The following GPBP1L1 variants were observed in gnomAD, a reference collection of about 807,000 sequenced individuals.
The protein encoded by GPBP1L1 is vasculin-like protein 1.
A neutral mutation model predicts 52.5 loss-of-function variants in GPBP1L1; 23 were observed. The observed-to-expected ratio is 0.44, with a 90% CI of 0.32 to 0.62. The LOEUF is 0.62. Ranked by LOEUF, GPBP1L1 falls within the 20% of genes least tolerant of loss-of-function variation. The pLI is 0.06. For synonymous variants in GPBP1L1, 243 were observed against 203.1 expected, an observed-to-expected ratio of 1.20 and a Z score of -1.67; for missense variants, 596 against 579.3, an observed-to-expected ratio of 1.03 and a Z score of -0.30.
At chr1:45,685,907 C>T (rs1020529921) in intron 1 of GPBP1L1, among the ~76,000 whole-genome samples, 2 of 152,162 alleles carry the variant, frequency 1.3e-5, no homozygotes, top group Non-Finnish European at 2.9e-5. Context: ...TAAGCGAAAA[C>T]ACCTCGCTAC....
At chr1:45,629,454 T>TTGCC in intron 12 of GPBP1L1, 122 bp downstream of exon 12, 1 of 115,396 alleles carries the variant, frequency 8.7e-6, no homozygotes. Context: ...ACTAAGGTAA[T>TTGCC]CCCCCCCCCC....
At chr1:45,647,729 C>T (rs1223014656) in intron 6 of GPBP1L1, among the ~76,000 whole-genome samples, 1 of 152,126 alleles carries the variant, frequency 6.6e-6, no homozygotes, top group Non-Finnish European at 1.5e-5. Flanking sequence ...AGTGACACCT[C>T]TCATGAAAAG....
In GPBP1L1 at chr1:45,628,078, CAG is replaced by C. The variant is rs138602356; in HGVS notation, c.*176_*177del. The C allele has an allele frequency of 5.4e-4, 345 of 639,836 alleles. No homozygotes were observed. The East Asian group carries it at 8.2e-3, about 15-fold the overall frequency. The allele number at this position is 639,836 out of a possible 1,614,324, so 39.6% of individuals were successfully genotyped here. A position where few individuals can be genotyped will look rare whatever the true frequency, so the allele number is the denominator to read the frequency against. On this transcript the variant is annotated 3_prime_UTR_variant, in exon 13 of 13. Transcript: ENST00000355105. ...AAACTTCTCTCTATAAAGCAGATAA[CAG>C]GGAAGAACAATAACAAAAGCAAAAC...
chr1:45,666,139 T>A (rs1645008067), intron 2 of GPBP1L1, among the ~76,000 whole-genome samples: 1 of 151,444 alleles, frequency 6.6e-6, no homozygotes, highest in African/African-American at 2.4e-5. Context: ...AACACTTTTT[T>A]TTTTTAGACG....
chr1:45,668,016 G>C (rs1645030606), intron 2 of GPBP1L1, among the ~76,000 whole-genome samples: 1 of 152,148 alleles, frequency 6.6e-6, no homozygotes, highest in Admixed American at 6.5e-5. Context: ...TGGGATTACA[G>C]GTGTGAGCCA....
chr1:45,650,012 G>A (rs1466449699), intron 6 of GPBP1L1, among the ~76,000 whole-genome samples: 1 of 151,854 alleles, frequency 6.6e-6, no homozygotes, highest in Non-Finnish European at 1.5e-5. Context: ...TTGCCTTATT[G>A]TACTTGTTAG....
intron 10 of GPBP1L1, 123 bp from the exon 11 acceptor site, chr1:45,630,729 G>A: frequency 9.1e-7 from 1 of 1,095,482 alleles, no homozygotes; most frequent in South Asian, 1.6e-5. Flanking sequence ...TCAGCCCACA[G>A]ATTTTTTTCC....
intron 4 of GPBP1L1, among the ~76,000 whole-genome samples, chr1:45,657,074 G>A (rs1455366031): frequency 6.6e-6 from 1 of 152,004 alleles, no homozygotes; most frequent in African/African-American, 2.4e-5. Flanking sequence ...TTATAGTTTC[G>A]AAAATGAAAG....
At chr1:45,668,233 T>C (rs763026749) in intron 2 of GPBP1L1, among the ~76,000 whole-genome samples, 3 of 152,196 alleles carry the variant, frequency 2.0e-5, no homozygotes, top group Non-Finnish European at 2.9e-5. Context: ...AGAGAAATGG[T>C]TGATGAATGA....
chr1:45,674,235 C>T (rs1160341370), intron 2 of GPBP1L1, among the ~76,000 whole-genome samples: 1 of 152,108 alleles, frequency 6.6e-6, no homozygotes, highest in Non-Finnish European at 1.5e-5. Context: ...TAAAAAAATT[C>T]AAAAGATGTT....
chr1:45,678,409 G>A (rs939284319), intron 2 of GPBP1L1, among the ~76,000 whole-genome samples: 1 of 152,126 alleles, frequency 6.6e-6, no homozygotes, highest in Non-Finnish European at 1.5e-5. Flanking sequence ...GTTCTAAGGG[G>A]AAAGATTGTT....
chr1:45,679,180 G>A (rs1283298372), intron 2 of GPBP1L1, among the ~76,000 whole-genome samples: 1 of 131,022 alleles, frequency 7.6e-6, no homozygotes, highest in Admixed American at 7.6e-5. Flanking sequence ...AGATAAAAGG[G>A]AAAATTGTCT....
intron 2 of GPBP1L1, among the ~76,000 whole-genome samples, chr1:45,668,663 A>C (rs945664150): frequency 6.6e-6 from 1 of 152,182 alleles, no homozygotes; most frequent in Non-Finnish European, 1.5e-5. Flanking sequence ...TCTCAAAAAC[A>C]AAAACAAAAC....
chr1:45,641,772 C>T (rs956360545), intron 7 of GPBP1L1: 5 of 146,610 alleles, frequency 3.4e-5, no homozygotes, highest in South Asian at 2.2e-4. Flanking sequence ...GCTGAGATCT[C>T]GCCACCGCAC....
chr1:45,643,740 G>A (rs1002371514), intron 6 of GPBP1L1, among the ~76,000 whole-genome samples: 6 of 138,122 alleles, frequency 4.3e-5, no homozygotes, highest in African/African-American at 1.7e-4. Flanking sequence ...CACAATCCTG[G>A]CTCATTGCAA....
intron 4 of GPBP1L1, 52 bp downstream of exon 4, chr1:45,658,975 AC>A: frequency 8.0e-7 from 1 of 1,257,360 alleles, no homozygotes; most frequent in Non-Finnish European, 1.2e-6. Context: ...AACCAAAACC[AC>A]CCCCAAACCC....
At chr1:45,687,096 C>T (rs1308749342), upstream of GPBP1L1, 1 of 152,372 alleles carries the variant, frequency 6.6e-6, no homozygotes, top group East Asian at 1.9e-4. Context: ...AGACTCCAGT[C>T]CCCAGCGGGC....
intron 7 of GPBP1L1, among the ~76,000 whole-genome samples, chr1:45,641,461 AAC>A (rs143580004): frequency 0.037 from 5,462 of 146,382 alleles, 113 homozygotes; most frequent in Admixed American, 0.072. Flanking sequence ...CATACACATA[AAC>A]ACACACACAC....
chr1:45,656,205 T>C (rs1414851064), intron 4 of GPBP1L1: 9 of 152,188 alleles, frequency 5.9e-5, no homozygotes, highest in Non-Finnish European at 1.2e-4. Context: ...AATAAGTCTT[T>C]GAGGTAACAA....
Sources: allele counts gnomAD v4.1 joint callset (sites outside exome capture counted in the v4.1 genomes callset), GRCh38; gene constraint gnomAD v4.1.1; transcripts MANE v1.5; gene names NCBI Gene and HGNC (gene_info 2026-07-23, HGNC 2026-07-21).